KDM4A: variants seen among roughly 807,000 people sequenced by gnomAD.
KDM4A encodes lysine-specific demethylase 4A.
KDM4A carries 23 observed loss-of-function variants against 127.1 expected under a neutral mutation model. The ratio of observed to expected loss-of-function variants is 0.18; its 90% confidence interval spans 0.13 to 0.26. KDM4A has a LOEUF of 0.26. Among genes scored for constraint, KDM4A ranks in the 10% least tolerant of loss-of-function variants. The probability of loss-of-function intolerance (pLI) is 1.00; values close to 1 mark genes in which losing one functional copy is unlikely to be tolerated. For synonymous variants in KDM4A, 443 were observed against 466.5 expected (o/e 0.95, Z 0.65); for missense variants, 890 against 1,329.1 (o/e 0.67, Z 5.14).
chr1:43,668,471 C>A (rs1050269284), intron 9 of KDM4A, among the ~76,000 whole-genome samples: 1 of 152,162 alleles, frequency 6.6e-6, no homozygotes, highest in Admixed American at 6.5e-5. Flanking sequence ...AGGGAGTGTT[C>A]TTGGTAAAGG....
intron 16 of KDM4A, 134 bp downstream of exon 16, chr1:43,692,445 C>A: frequency 1.3e-6 from 1 of 751,968 alleles, no homozygotes; most frequent in Non-Finnish European, 2.2e-6. Context: ...GCAGGAATAG[C>A]ATCTCCAAGA....
Position 43,655,171 on chromosome 1 carries a change from T to C in KDM4A, c.139-420T>C, listed in dbSNP as rs917596666. ...GGCCTCAAGATTAGATTTTTAAGAATGTTATGCTTCTTTGTAATTAAACTG... is the reference window on the plus strand; with the variant it reads ...GGCCTCAAGATTAGATTTTTAAGAACGTTATGCTTCTTTGTAATTAAACTG... On this transcript the variant is annotated intron_variant, in intron 2 of 21. Transcript: ENST00000372396. Among the ~76,000 whole-genome samples, 25 of 152,292 alleles carry C rather than the reference T, an allele frequency of 1.6e-4. No individual in the cohort carries two copies. The Middle Eastern group carries it at 0.014, about 83-fold the overall frequency.
Position 43,678,587 on chromosome 1 carries a change from GTTT to G in KDM4A, c.1735-5081_1735-5079del, listed in dbSNP as rs35182358. 1.6e-3 allele frequency among the ~76,000 whole-genome samples: 213 copies of G among 134,486 alleles called. 2 individuals are homozygous for G. Among genetic ancestry groups the G allele is most frequent in the Middle Eastern group, 4.0e-3 (1 of 252 alleles). 88.2% of individuals were successfully genotyped at this position (134,486 alleles called of 152,430 possible). On this transcript the variant is annotated intron_variant, in intron 11 of 21. Coordinates refer to ENST00000372396, the MANE Select transcript of KDM4A (RefSeq NM_014663.3). ...GACAGGAGGGGATGGCTGCAGATAG[GTTT>G]TTTTTTTTTTTTTTTGAGAAAAGGT...
intron 11 of KDM4A, 83 bp from the exon 12 acceptor site, chr1:43,683,601 T>C: frequency 6.7e-7 from 1 of 1,486,882 alleles, no homozygotes; most frequent in African/African-American, 1.4e-5. Flanking sequence ...CCCCTCTCTT[T>C]CCTTTGGTTT....
chr1:43,701,253 C>T lies in KDM4A; in HGVS notation c.2842-2364C>T, dbSNP rs79781662. Among the ~76,000 whole-genome samples, 1,343 of 152,208 alleles carry T rather than the reference C, an allele frequency of 8.8e-3. 20 individuals carry two copies. Among genetic ancestry groups the T allele is most frequent in the African/African-American group, 0.031 (1,278 of 41,514 alleles). The stretch of plus-strand genomic sequence containing the variant: ...TTAAAAATTACATTTGTTAGTATCA[C>T]TAATAATCAAAAAACTTGGAATTTT... On this transcript the variant is annotated intron_variant, in intron 19 of 21. Transcript: ENST00000372396.
chr1:43,694,149 G>T lies in KDM4A; in HGVS notation c.2484+47G>T. The T allele has an allele frequency of 6.7e-7, 1 of 1,483,580 alleles. No individual in the cohort carries two copies. The highest frequency in any genetic ancestry group is 2.3e-5 in the East Asian group (1 of 43,330). The allele number at this position is 1,483,580 out of a possible 1,614,324, so 91.9% of individuals were successfully genotyped here. ...ATAATTTCCCGACTTACAAGTTTCT[G>T]GGTAGAAGAGAACAGGGACCTCCTG... On this transcript the variant is annotated intron_variant, in intron 17 of 21. Transcript: ENST00000372396. The surrounding 1 kb of genome is among the most constrained non-coding windows in gnomAD (Gnocchi z 5.2).
At chr1:43,702,042 A>G (rs1661410478) in intron 19 of KDM4A, 1 of 152,248 alleles carries the variant, frequency 6.6e-6, no homozygotes, top group Non-Finnish European at 1.5e-5. Context: ...AAATGCAATA[A>G]CAACTAGTAG....
chr1:43,684,788 C>T (rs1660934103), intron 12 of KDM4A, among the ~76,000 whole-genome samples: 1 of 152,174 alleles, frequency 6.6e-6, no homozygotes, highest in Non-Finnish European at 1.5e-5. Flanking sequence ...AAAGATCGCT[C>T]CTAGTGCTGG....
chr1:43,686,315 C>G (rs1300788733), intron 12 of KDM4A, among the ~76,000 whole-genome samples: 1 of 141,352 alleles, frequency 7.1e-6, no homozygotes, highest in East Asian at 2.1e-4. Flanking sequence ...GGATTACAGG[C>G]GTGAGCCACC....
chr1:43,650,846 A>G (rs1660099916), intron 1 of KDM4A, among the ~76,000 whole-genome samples: 1 of 152,234 alleles, frequency 6.6e-6, no homozygotes, highest in African/African-American at 2.4e-5. Flanking sequence ...CCGGATCTGT[A>G]TTCAGAGTTT....
At chr1:43,663,842 C>T (rs1339185577) in intron 5 of KDM4A, among the ~76,000 whole-genome samples, 2 of 151,954 alleles carry the variant, frequency 1.3e-5, no homozygotes, top group East Asian at 3.9e-4. Context: ...CTATGTTGCA[C>T]AGGCTGGTCT....
Position 43,661,623 on chromosome 1 carries a change from A to AG in KDM4A, c.429+1211_429+1212insG, listed in dbSNP as rs1343472751. On this transcript the variant is annotated intron_variant, in intron 4 of 21. Transcript: ENST00000372396. ...GACTCTGTCTCAAAAAAAAAAAAAA[A>AG]AAAAAAAAAAAAAAAAAGAATTCCA... Among the ~76,000 whole-genome samples, 5 of 147,110 alleles carry AG rather than the reference A, an allele frequency of 3.4e-5. No individual in the cohort carries two copies. The East Asian group carries it at 6.1e-4, about 18-fold the overall frequency.
chr1:43,652,679 CTTTTTT>C (rs771216218), intron 1 of KDM4A, among the ~76,000 whole-genome samples: 1 of 118,770 alleles, frequency 8.4e-6, no homozygotes, highest in African/African-American at 3.1e-5. Flanking sequence ...TTCTTTCTTT[CTTTTTT>C]TTTTTTTTTT....
rs377048123 is a variant in KDM4A at position 43,658,540 on chromosome 1, G to T, written c.315-1758G>T. Among the ~76,000 whole-genome samples the T allele has an allele frequency of 6.5e-3, 828 of 127,348 alleles. 4 individuals are homozygous for T. The highest frequency in any genetic ancestry group is 0.047 in the Middle Eastern group (9 of 190). The allele number at this position is 127,348 out of a possible 152,430, so 83.5% of individuals were successfully genotyped here. ...TTTTTTTGAGATGGAGTCTTACTCT[G>T]TGGCGCGGGCTAGAGTGCAGTGGTG... is the stretch of plus-strand genomic sequence containing the variant. On this transcript the variant is annotated intron_variant, in intron 3 of 21. Transcript: ENST00000372396.
At chr1:43,666,630 C>A in intron 7 of KDM4A, 75 bp downstream of exon 7, 3 of 1,171,166 alleles carry the variant, frequency 2.6e-6, no homozygotes, top group South Asian at 2.5e-5. Context: ...TATTCTAGTT[C>A]ATCACTATAC....
chr1:43,660,162 C>G, intron 3 of KDM4A, 136 bp from the exon 4 acceptor site: 1 of 928,804 alleles, frequency 1.1e-6, no homozygotes, highest in Non-Finnish European at 1.7e-6. Context: ...CGTATTAGAG[C>G]CTTGAAGGCC....
chr1:43,690,235 T>C (rs1303004401), intron 13 of KDM4A, among the ~76,000 whole-genome samples: 1 of 152,190 alleles, frequency 6.6e-6, no homozygotes, highest in Non-Finnish European at 1.5e-5. Flanking sequence ...TAGGAGCATC[T>C]GCTCTGGGTA....
chr1:43,659,240 C>T (rs1660316608), intron 3 of KDM4A, among the ~76,000 whole-genome samples: 1 of 152,176 alleles, frequency 6.6e-6, no homozygotes, highest in Admixed American at 6.5e-5. Context: ...CTACAGTAAG[C>T]TATGATCACA....
chr1:43,695,270 A>C (rs1410915984), intron 18 of KDM4A, among the ~76,000 whole-genome samples: 1 of 152,240 alleles, frequency 6.6e-6, no homozygotes, highest in East Asian at 1.9e-4. Context: ...CCAAGAGTTA[A>C]CCATGAATTG....
Sources: allele counts gnomAD v4.1 joint callset (sites outside exome capture counted in the v4.1 genomes callset), GRCh38; gene constraint gnomAD v4.1.1; non-coding constraint Gnocchi (gnomAD v3.1); transcripts MANE v1.5; gene names NCBI Gene and HGNC (gene_info 2026-07-23, HGNC 2026-07-21).